PEPD: variants seen among roughly 807,000 people sequenced by gnomAD.
PEPD encodes the protein peptidase D.
PEPD carries 53 observed loss-of-function variants against 60.7 expected under a neutral mutation model. The observed-to-expected ratio is 0.87, with a 90% CI of 0.70 to 1.10. The LOEUF (loss-of-function observed/expected upper bound fraction) is 1.10, where lower values mean the gene tolerates loss of function less well. Among genes scored for constraint, PEPD ranks in the 50% least tolerant of loss-of-function variants. The probability of loss-of-function intolerance (pLI) is 0.00; values close to 1 mark genes in which losing one functional copy is unlikely to be tolerated. For synonymous variants in PEPD, 267 were observed against 284.1 expected (o/e 0.94, Z 0.60); for missense variants, 711 against 711.9 (o/e 1.00, Z 0.01).
At chr19:33,452,568 A>C (rs950541457) in intron 9 of PEPD, among the ~76,000 whole-genome samples, 2 of 152,150 alleles carry the variant, frequency 1.3e-5, no homozygotes, top group Admixed American at 1.3e-4. Context: ...ATAGAGAAAA[A>C]ACACAAGTTA....
chr19:33,422,923 G>A (rs191122912), intron 9 of PEPD, among the ~76,000 whole-genome samples: 109 of 149,088 alleles, frequency 7.3e-4, no homozygotes, highest in African/African-American at 2.7e-3. Flanking sequence ...ATCTACCTAC[G>A]TATCATCTAT....
intron 11 of PEPD, among the ~76,000 whole-genome samples, chr19:33,407,070 G>T (rs995267967): frequency 1.3e-5 from 2 of 152,168 alleles, no homozygotes; most frequent in Non-Finnish European, 2.9e-5. Context: ...CATCCCGACT[G>T]GGACAACCAA....
chr19:33,468,942 G>T (rs1970071112), intron 7 of PEPD, among the ~76,000 whole-genome samples: 1 of 152,160 alleles, frequency 6.6e-6, no homozygotes. Context: ...AGAGCCATGG[G>T]CAGGACAGGG....
At chr19:33,403,287 G>A (rs1307497960) in intron 11 of PEPD, among the ~76,000 whole-genome samples, 2 of 152,196 alleles carry the variant, frequency 1.3e-5, no homozygotes, top group Non-Finnish European at 2.9e-5. Context: ...ACCCTGGCTG[G>A]CGGAGGCTGG....
At chr19:33,416,229 C>A (rs1427163240) in intron 9 of PEPD, among the ~76,000 whole-genome samples, 1 of 152,296 alleles carries the variant, frequency 6.6e-6, no homozygotes, top group Non-Finnish European at 1.5e-5. Flanking sequence ...CAAGTGTGGG[C>A]TATGAGGACA....
At chr19:33,416,191 T>C (rs1968888800) in intron 9 of PEPD, among the ~76,000 whole-genome samples, 1 of 152,174 alleles carries the variant, frequency 6.6e-6, no homozygotes, top group Non-Finnish European at 1.5e-5. Context: ...GGCCAGAGCT[T>C]GGCGAGTGGT....
intron 3 of PEPD, among the ~76,000 whole-genome samples, chr19:33,502,865 C>G (rs1046873912): frequency 2.1e-5 from 3 of 140,648 alleles, no homozygotes; most frequent in African/African-American, 8.0e-5. Flanking sequence ...TTCATTCTTT[C>G]CTTTGTGTGT....
At chr19:33,513,772 G>C (rs1484077072) in intron 1 of PEPD, among the ~76,000 whole-genome samples, 1 of 151,588 alleles carries the variant, frequency 6.6e-6, no homozygotes, top group Non-Finnish European at 1.5e-5. Flanking sequence ...TGTGGCACGG[G>C]CATCCTCGCT....
chr19:33,406,827 C>T (rs751645235), intron 11 of PEPD, among the ~76,000 whole-genome samples: 2 of 152,074 alleles, frequency 1.3e-5, no homozygotes, highest in African/African-American at 4.8e-5. Flanking sequence ...CCTGCAGGGT[C>T]GAGGTCTCGC....
chr19:33,408,016 C>A (rs1267984285), intron 11 of PEPD, among the ~76,000 whole-genome samples: 1 of 152,236 alleles, frequency 6.6e-6, no homozygotes, highest in Non-Finnish European at 1.5e-5. Flanking sequence ...GAAGCAGGAA[C>A]CAGGGTGTCT....
chr19:33,483,893 C>T (rs1316412513), intron 6 of PEPD, among the ~76,000 whole-genome samples: 1 of 152,184 alleles, frequency 6.6e-6, no homozygotes, highest in East Asian at 1.9e-4. Context: ...CAAGCACACG[C>T]AGGGTCGTGA....
chr19:33,395,724 A>T (rs1444725040), intron 12 of PEPD, among the ~76,000 whole-genome samples: 1 of 152,160 alleles, frequency 6.6e-6, no homozygotes, highest in Non-Finnish European at 1.5e-5. Context: ...GGCCTGACCG[A>T]GCTACAAAGG....
intron 3 of PEPD, among the ~76,000 whole-genome samples, chr19:33,501,696 T>C (rs1485579729): frequency 6.6e-6 from 1 of 151,464 alleles, no homozygotes. Context: ...TAATTATTAT[T>C]ATTACTATTT....
chr19:33,473,919 A>G (rs1424869468), intron 7 of PEPD, among the ~76,000 whole-genome samples: 1 of 152,224 alleles, frequency 6.6e-6, no homozygotes, highest in Non-Finnish European at 1.5e-5. Context: ...GAAAACAATA[A>G]AACAGTCACA....
At chr19:33,388,716 A>C (rs1208869622) in intron 13 of PEPD, 1 of 174,212 alleles carries the variant, frequency 5.7e-6, no homozygotes, top group Non-Finnish European at 1.3e-5. Context: ...GCCTTACGGC[A>C]GGGCCCTGGG....
intron 11 of PEPD, among the ~76,000 whole-genome samples, chr19:33,406,030 C>A (rs2145354800): frequency 6.6e-6 from 1 of 152,320 alleles, no homozygotes; most frequent in African/African-American, 2.4e-5. Context: ...CAGTGAGGGG[C>A]CCCGGGTCCC....
intron 9 of PEPD, among the ~76,000 whole-genome samples, chr19:33,451,566 G>A (rs751390798): frequency 1.3e-5 from 2 of 152,196 alleles, no homozygotes; most frequent in African/African-American, 2.4e-5. Context: ...AAATAAGGCT[G>A]TAGAAAAGAG....
chr19:33,459,677 T>TC (rs1424992012), intron 9 of PEPD, among the ~76,000 whole-genome samples: 1 of 151,442 alleles, frequency 6.6e-6, no homozygotes, highest in African/African-American at 2.4e-5. Flanking sequence ...CGCTCACTTT[T>TC]TTTTTTTAAC....
At chr19:33,427,068 G>A (rs969497999) in intron 9 of PEPD, among the ~76,000 whole-genome samples, 1 of 152,194 alleles carries the variant, frequency 6.6e-6, no homozygotes, top group Admixed American at 6.5e-5. Flanking sequence ...GACTCCAAAC[G>A]TTATTTTAGT....
Sources: allele counts gnomAD v4.1 joint callset (sites outside exome capture counted in the v4.1 genomes callset), GRCh38; gene constraint gnomAD v4.1.1; transcripts MANE v1.5; gene names NCBI Gene and HGNC (gene_info 2026-07-23, HGNC 2026-07-21).